The following ASAP2 variants were observed in gnomAD, a reference collection of about 807,000 sequenced individuals.
The protein encoded by ASAP2 is arf-GAP with SH3 domain, ANK repeat and PH domain-containing protein 2.
ASAP2 carries 45 observed loss-of-function variants against 131.4 expected under a neutral mutation model. The observed-to-expected ratio is 0.34, with a 90% CI of 0.27 to 0.44. The LOEUF is 0.44. ASAP2 is among the 20% of genes least tolerant of loss of function. The probability of loss-of-function intolerance (pLI) is 1.00; values close to 1 mark genes in which losing one functional copy is unlikely to be tolerated. For synonymous variants in ASAP2, 510 were observed against 503.0 expected (o/e 1.01, Z -0.19); for missense variants, 1,011 against 1,297.0 (o/e 0.78, Z 3.39).
intron 3 of ASAP2, among the ~76,000 whole-genome samples, chr2:9,299,870 C>A (rs1351071794): frequency 6.6e-6 from 1 of 152,180 alleles, no homozygotes; most frequent in African/African-American, 2.4e-5. Flanking sequence ...TTATGACAAT[C>A]CCATAAGGTC....
At chr2:9,394,622 T>G (rs923230195) in intron 24 of ASAP2, among the ~76,000 whole-genome samples, 2 of 152,196 alleles carry the variant, frequency 1.3e-5, no homozygotes, top group African/African-American at 4.8e-5. Flanking sequence ...CACATGTACA[T>G]GGATACATAC....
At chr2:9,375,517 A>G (rs1180860017) in intron 17 of ASAP2, among the ~76,000 whole-genome samples, 1 of 152,216 alleles carries the variant, frequency 6.6e-6, no homozygotes, top group Non-Finnish European at 1.5e-5. Context: ...TAACATATCC[A>G]TTACCTCACA....
intron 2 of ASAP2, among the ~76,000 whole-genome samples, chr2:9,286,983 A>T (rs750663985): frequency 2.7e-4 from 41 of 152,278 alleles, no homozygotes; most frequent in Non-Finnish European, 5.4e-4. Flanking sequence ...TAAAAACTTT[A>T]TGTGAATTCC....
rs868227016 is a variant in ASAP2 at position 9,268,773 on chromosome 2, C to T, written c.127-10544C>T. ...TCAGGCTGGCCTTTCGTCCGTGGAA[C>T]GAGGGGAGAGGAGATAGGACGGGAG... On this transcript the variant is annotated intron_variant, in intron 1 of 27. Coordinates refer to ENST00000281419, the MANE Select transcript of ASAP2 (RefSeq NM_003887.3). This position sits in a 1 kb window ranked among gnomAD's most constrained non-coding sequence, Gnocchi z 4.1. Among the ~76,000 whole-genome samples, 2 of 152,300 alleles carry T rather than the reference C, an allele frequency of 1.3e-5. No individual in the cohort carries two copies. The highest frequency in any genetic ancestry group is 6.8e-3 in the Middle Eastern group (2 of 294).
At chr2:9,314,922 C>CAAAAAA (rs34360769) in intron 3 of ASAP2, among the ~76,000 whole-genome samples, 7 of 102,334 alleles carry the variant, frequency 6.8e-5, no homozygotes, top group African/African-American at 2.6e-4. Flanking sequence ...GACTCCATCT[C>CAAAAAA]AAAAAAAAAA....
intron 2 of ASAP2, among the ~76,000 whole-genome samples, chr2:9,282,502 A>G (rs1277297262): frequency 1.3e-5 from 2 of 152,202 alleles, no homozygotes; most frequent in East Asian, 3.9e-4. Flanking sequence ...AAATTTTTTT[A>G]GAACTAGATG....
At chr2:9,216,090 C>G (rs1467700362) in intron 1 of ASAP2, among the ~76,000 whole-genome samples, 1 of 152,150 alleles carries the variant, frequency 6.6e-6, no homozygotes, top group Admixed American at 6.5e-5. Context: ...ACGGCATGTA[C>G]TGCCTTTGAC....
chr2:9,403,184 G>C (rs1676898191), intron 27 of ASAP2, 69 bp from the exon 28 acceptor site: 28 of 1,390,184 alleles, frequency 2.0e-5, no homozygotes, highest in Non-Finnish European at 2.6e-5. Context: ...AACGCTCTAT[G>C]TAATGCTCTT....
intron 3 of ASAP2, among the ~76,000 whole-genome samples, chr2:9,307,552 C>T (rs908240830): frequency 2.0e-5 from 3 of 152,216 alleles, no homozygotes; most frequent in Non-Finnish European, 4.4e-5. Context: ...CTCCCAGAAC[C>T]GGCCTTCAGC....
At chr2:9,287,145 G>A (rs149959205) in intron 2 of ASAP2, among the ~76,000 whole-genome samples, 1 of 152,324 alleles carries the variant, frequency 6.6e-6, no homozygotes, top group African/African-American at 2.4e-5. Context: ...TGACTGCTGC[G>A]GCATGCTGCC....
At chr2:9,326,646 C>G (rs576380857) in intron 6 of ASAP2, among the ~76,000 whole-genome samples, 24 of 151,844 alleles carry the variant, frequency 1.6e-4, no homozygotes, top group Non-Finnish European at 2.8e-4. Flanking sequence ...TGTATACATT[C>G]AAAAAAAATC....
At chr2:9,270,956 C>T (rs12478179) in intron 1 of ASAP2, among the ~76,000 whole-genome samples, 16,524 of 151,502 alleles carry the variant, frequency 0.11, 933 homozygotes, top group Admixed American at 0.15. Flanking sequence ...CTACGCCCGG[C>T]TAATTTTTTT....
In ASAP2 at chr2:9,274,574, C is replaced by T. The variant is rs538923384; in HGVS notation, c.127-4743C>T. 5.6e-4 allele frequency among the ~76,000 whole-genome samples: 85 copies of T among 152,192 alleles called. 1 individual carries two copies. The Middle Eastern group carries it at 0.014, about 24-fold the overall frequency. ...CTGACTTCAAGTAATCCGGCCATCT[C>T]GGCCTCCCAAAGTGCTGGGATTACA... On this transcript the variant is annotated intron_variant, in intron 1 of 27. Coordinates refer to ENST00000281419, the MANE Select transcript of ASAP2 (RefSeq NM_003887.3).
At chr2:9,332,775 A>T (rs1438645750) in intron 7 of ASAP2, among the ~76,000 whole-genome samples, 1 of 152,242 alleles carries the variant, frequency 6.6e-6, no homozygotes, top group African/African-American at 2.4e-5. Context: ...TTTCACAAGA[A>T]TTTGAAATGA....
rs1014459190 is a variant in ASAP2, at chr2:9,393,455, C to G, written c.2519-27C>G. ...AGTGGGAAGCCTGGCGGCTGACCCTCTGCACGTCTCTCCCTGTCCTCCGCA... is the reference window on the plus strand; with the variant it reads ...AGTGGGAAGCCTGGCGGCTGACCCTGTGCACGTCTCTCCCTGTCCTCCGCA... On this transcript the variant is annotated intron_variant, in intron 23 of 27. Transcript: ENST00000281419. 2.5e-6 allele frequency: 4 copies of G among 1,581,112 alleles called. No individual in the cohort carries two copies. In the African/African-American group the frequency reaches 5.4e-5, roughly 21 times the overall value.
intron 1 of ASAP2, among the ~76,000 whole-genome samples, chr2:9,253,598 T>C (rs1664881338): frequency 6.6e-6 from 1 of 152,338 alleles, no homozygotes; most frequent in African/African-American, 2.4e-5. Flanking sequence ...CCTCCTGTCA[T>C]CTCTGCGCTG....
intron 2 of ASAP2, among the ~76,000 whole-genome samples, chr2:9,286,437 G>GAAA (rs556978805): frequency 5.4e-5 from 7 of 128,920 alleles, no homozygotes; most frequent in East Asian, 2.0e-4. Flanking sequence ...TTTAAAAAAG[G>GAAA]AAAAAAAAAA....
chr2:9,255,153 C>T (rs1665071226), intron 1 of ASAP2, among the ~76,000 whole-genome samples: 1 of 152,086 alleles, frequency 6.6e-6, no homozygotes, highest in Non-Finnish European at 1.5e-5. Flanking sequence ...TTTATATTTC[C>T]CTGGTAACTA....
intron 1 of ASAP2, among the ~76,000 whole-genome samples, chr2:9,230,191 A>G (rs1009153833): frequency 3.3e-5 from 5 of 152,162 alleles, no homozygotes; most frequent in Admixed American, 6.5e-5. Flanking sequence ...TGATTACCAT[A>G]TGGTGTGATA....
Sources: allele counts gnomAD v4.1 joint callset (sites outside exome capture counted in the v4.1 genomes callset), GRCh38; gene constraint gnomAD v4.1.1; non-coding constraint Gnocchi (gnomAD v3.1); transcripts MANE v1.5; gene names NCBI Gene and HGNC (gene_info 2026-07-23, HGNC 2026-07-21).